The following ZNF800 variants were observed in gnomAD, a reference collection of about 807,000 sequenced individuals.
ZNF800 encodes the protein zinc finger protein 800.
Under a neutral mutation model 59.5 loss-of-function variants are expected in ZNF800, and 13 were observed. That is an observed-to-expected ratio of 0.22 (90% CI 0.14 to 0.35). The LOEUF (loss-of-function observed/expected upper bound fraction) is 0.35, where lower values mean the gene tolerates loss of function less well. ZNF800 is among the 10% of genes least tolerant of loss of function. The pLI is 1.00. For missense variants in ZNF800, 621 were observed against 783.7 expected (o/e 0.79, Z 2.48); for synonymous variants, 266 against 265.7 (o/e 1.00, Z -0.01).
rs540674679 is a variant in ZNF800 at position 127,377,884 on chromosome 7, T to A, written c.158-555A>T. Among the ~76,000 whole-genome samples the A allele has an allele frequency of 1.3e-5, 2 of 152,124 alleles. No individual in the cohort carries two copies. The highest frequency in any genetic ancestry group is 2.9e-5 in the Non-Finnish European group (2 of 67,914). ...CTCTTTAAATTCAGCTCAAATTACTTCAGGTTCTGGGCCAACATGGGATTA... is the reference window on the plus strand; with the variant it reads ...CTCTTTAAATTCAGCTCAAATTACTACAGGTTCTGGGCCAACATGGGATTA... On this transcript the variant is annotated intron_variant, in intron 3 of 5. Transcript: ENST00000265827. The surrounding 1 kb of genome is among the most constrained non-coding windows in gnomAD (Gnocchi z 4.7).
At position 127,375,753 on chromosome 7, in the gene ZNF800, A is replaced by T. The variant is rs564029048; in HGVS notation, c.302-719T>A. ...GCAATCAACTATCCTATTGTAACAG[A>T]GTTGTCTAACACTGGTTAGGTTTCC... On this transcript the variant is annotated intron_variant, in intron 4 of 5. Transcript: ENST00000265827. 6.5e-4 allele frequency among the ~76,000 whole-genome samples: 99 copies of T among 152,124 alleles called. 1 individual carries two copies. The South Asian group carries it at 0.02, about 31-fold the overall frequency.
chr7:127,384,357 T>C (rs948901860), intron 3 of ZNF800, among the ~76,000 whole-genome samples: 3 of 148,744 alleles, frequency 2.0e-5, no homozygotes, highest in Non-Finnish European at 4.5e-5. Flanking sequence ...CCTCAGCCTC[T>C]CGAGTAGCTG....
At chr7:127,376,887 A>T (rs1055178989) in intron 4 of ZNF800, among the ~76,000 whole-genome samples, 3 of 151,976 alleles carry the variant, frequency 2.0e-5, no homozygotes, top group African/African-American at 7.2e-5. Context: ...CCATATAAAC[A>T]TTCTAAAACA....
intron 1 of ZNF800, among the ~76,000 whole-genome samples, chr7:127,351,982 T>C (rs1281519580): frequency 1.3e-5 from 2 of 152,202 alleles, no homozygotes; most frequent in Admixed American, 1.3e-4. Flanking sequence ...GAGAATGGGG[T>C]ATTTCAGAGC....
downstream of ZNF800, among the ~76,000 whole-genome samples, chr7:127,365,089 G>GT (rs1307477051): frequency 6.6e-6 from 1 of 152,108 alleles, no homozygotes; most frequent in Admixed American, 6.6e-5. Flanking sequence ...ATTTAAAAAG[G>GT]TAAGTATTAA....
At chr7:127,345,195 T>C (rs1465028989), downstream of ZNF800, among the ~76,000 whole-genome samples, 4 of 152,182 alleles carry the variant, frequency 2.6e-5, no homozygotes, top group African/African-American at 9.6e-5. Flanking sequence ...GTGCACCTAA[T>C]ATGTGTCAAA....
At chr7:127,372,197 G>C (rs1025165784) in intron 5 of ZNF800, among the ~76,000 whole-genome samples, 5 of 151,678 alleles carry the variant, frequency 3.3e-5, no homozygotes, top group Admixed American at 6.6e-5. Flanking sequence ...AGTATTTTTT[G>C]GCCAGGCACG....
rs1554374610 is a variant in ZNF800, at chr7:127,370,313, AT to A, written c.*1500del. On this transcript the variant is annotated 3_prime_UTR_variant, in exon 6 of 6. Transcript: ENST00000265827. ...ATAAGTTTAAATTTGATAATAAAAC[AT>A]TTAAGTTTCAACCAATGCACCTTTG... 2.0e-5 allele frequency: 3 copies of A among 152,592 alleles called. No individual in the cohort carries two copies. Among genetic ancestry groups the A allele is most frequent in the Non-Finnish European group, 4.4e-5 (3 of 68,002 alleles). The allele number at this position is 152,592 out of a possible 1,614,324, so 9.5% of individuals were successfully genotyped here.
At chr7:127,390,801 A>AT (rs1255982039) in intron 2 of ZNF800, among the ~76,000 whole-genome samples, 10 of 152,184 alleles carry the variant, frequency 6.6e-5, no homozygotes, top group African/African-American at 2.4e-4. Context: ...TGTCAACAGT[A>AT]TATCAAGTTT....
chr7:127,386,466 T>C (rs1801141834), intron 2 of ZNF800, among the ~76,000 whole-genome samples: 1 of 152,252 alleles, frequency 6.6e-6, no homozygotes, highest in African/African-American at 2.4e-5. Flanking sequence ...ACATTCTTCA[T>C]GTTTGCCTTT....
At chr7:127,365,664 G>A (rs1371365118), downstream of ZNF800, among the ~76,000 whole-genome samples, 1 of 152,056 alleles carries the variant, frequency 6.6e-6, no homozygotes, top group African/African-American at 2.4e-5. Flanking sequence ...GCAAATTCGT[G>A]AACAATTAGC....
At chr7:127,352,862 C>CTG (rs1800192447) in intron 1 of ZNF800, among the ~76,000 whole-genome samples, 1 of 151,652 alleles carries the variant, frequency 6.6e-6, no homozygotes, top group South Asian at 2.1e-4. Flanking sequence ...CTCTGTCCTG[C>CTG]TGTCCACCTT....
chr7:127,391,364 TG>T, intron 2 of ZNF800, 132 bp downstream of exon 2: 1 of 838,240 alleles, frequency 1.2e-6, no homozygotes, highest in Non-Finnish European at 2.0e-6. Flanking sequence ...GCTTCATAAC[TG>T]GCTTATGCTA....
chr7:127,392,311 G>A lies in ZNF800; in HGVS notation c.-310C>T, dbSNP rs1462051573. On this transcript the variant is annotated 5_prime_UTR_variant, in exon 1 of 6. Coordinates refer to ENST00000265827, the MANE Select transcript of ZNF800 (RefSeq NM_176814.5). Reference sequence around the variant, plus strand: ...GCGGCGGCGGCTCACGGCGTCCTCCGCGCTGTGTGGCTAGGCGGGAGGCGC... The same window carrying A: ...GCGGCGGCGGCTCACGGCGTCCTCCACGCTGTGTGGCTAGGCGGGAGGCGC... 7.8e-6 allele frequency: 3 copies of A among 386,310 alleles called. No homozygotes were observed. The highest frequency in any genetic ancestry group is 1.4e-5 in the Non-Finnish European group (3 of 218,178). The allele number at this position is 386,310 out of a possible 1,614,324, so 23.9% of individuals were successfully genotyped here. A position where few individuals can be genotyped will look rare whatever the true frequency, so the allele number is the denominator to read the frequency against.
chr7:127,389,636 A>C (rs1335388755), intron 2 of ZNF800, among the ~76,000 whole-genome samples: 1 of 152,220 alleles, frequency 6.6e-6, no homozygotes, highest in African/African-American at 2.4e-5. Context: ...ATAAGTTAAC[A>C]AAGTTCTATT....
intron 3 of ZNF800, among the ~76,000 whole-genome samples, chr7:127,382,166 C>T (rs1482144590): frequency 6.6e-6 from 1 of 152,078 alleles, no homozygotes; most frequent in Non-Finnish European, 1.5e-5. Context: ...ATTTCAAGAA[C>T]TTAAAAAGAA....
intron 1 of ZNF800, among the ~76,000 whole-genome samples, chr7:127,355,074 G>A (rs952428026): frequency 6.6e-6 from 1 of 152,042 alleles, no homozygotes; most frequent in South Asian, 2.1e-4. Context: ...TAAAGAGGTA[G>A]AATTTTGTGG....
Position 127,377,292 on chromosome 7 carries a change from C to A in ZNF800, c.195G>T (p.Val65=). ...ATAACTTACATTCAAAAATAGTGTC[C>A]ACATCTTTTAATAAAATATGCTTAA... ...KQLKHILLKD[V]DTIFECKLCR... is the part of the protein sequence containing the mutation. Residue 65 remains valine, a synonymous_variant, in exon 4 of 6, where the codon GTG becomes GTT. Transcript: ENST00000265827. This position sits in a 1 kb window ranked among gnomAD's most constrained non-coding sequence, Gnocchi z 4.7. 6.2e-7 allele frequency: 1 copy of A among 1,608,924 alleles called. No homozygotes were observed. Among genetic ancestry groups the A allele is most frequent in the South Asian group, 1.1e-5 (1 of 90,428 alleles).
chr7:127,373,918 C>T lies in ZNF800; in HGVS notation c.1418G>A (p.Arg473Lys). The T allele has an allele frequency of 6.2e-7, 1 of 1,614,158 alleles. No individual in the cohort carries two copies. Reference protein sequence around the residue: ...PSAAGGQQKTRKPKLSAGFDF... With the variant: ...PSAAGGQQKTKKPKLSAGFDF... Reference sequence around the variant, plus strand: ...AAAGCCAGCTGAAAGTTTTGGTTTTCTGGTTTTTTGCTGGCCACCTGCAGC... The same window carrying T: ...AAAGCCAGCTGAAAGTTTTGGTTTTTTGGTTTTTTGCTGGCCACCTGCAGC... Residue 473 changes from arginine (R) to lysine (K), a missense_variant, in exon 5 of 6, where the codon AGA (arginine) becomes AAA (lysine). By Grantham distance (26) the Arg-to-Lys change is conservative. Around this residue, in one of 7 missense-constraint regions of ZNF800, gnomAD observed 185 missense variants for 177.6 expected, o/e 1.04. Transcript: ENST00000265827.
Sources: allele counts gnomAD v4.1 joint callset (sites outside exome capture counted in the v4.1 genomes callset), GRCh38; gene constraint gnomAD v4.1.1; regional missense constraint gnomAD v4.1.1; non-coding constraint Gnocchi (gnomAD v3.1); transcripts MANE v1.5; gene names NCBI Gene and HGNC (gene_info 2026-07-23, HGNC 2026-07-21).